GRIK2: variants seen among roughly 807,000 people sequenced by gnomAD.
GRIK2 encodes the protein glutamate receptor ionotropic, kainate 2.
GRIK2 carries 32 observed loss-of-function variants against 100.3 expected under a neutral mutation model. The ratio of observed to expected loss-of-function variants is 0.32; its 90% confidence interval spans 0.24 to 0.43. The LOEUF (loss-of-function observed/expected upper bound fraction) is 0.43, where lower values mean the gene tolerates loss of function less well. GRIK2 is among the 20% of genes least tolerant of loss of function. The probability of loss-of-function intolerance (pLI) is 1.00; values close to 1 mark genes in which losing one functional copy is unlikely to be tolerated. For synonymous variants in GRIK2, 417 were observed against 389.4 expected (o/e 1.07, Z -0.83); for missense variants, 843 against 1,114.9 (o/e 0.76, Z 3.47).
intron 14 of GRIK2, among the ~76,000 whole-genome samples, chr6:102,011,931 A>G (rs1208720381): frequency 6.6e-6 from 1 of 152,116 alleles, no homozygotes; most frequent in Non-Finnish European, 1.5e-5. Flanking sequence ...TTATATCTAA[A>G]AAGTCATCCC....
intron 2 of GRIK2, among the ~76,000 whole-genome samples, chr6:101,607,844 T>C (rs1375359183): frequency 2.6e-5 from 4 of 151,666 alleles, no homozygotes; most frequent in Non-Finnish European, 4.4e-5. Context: ...CCAAAATGAA[T>C]GATTAGTTGA....
intron 2 of GRIK2, among the ~76,000 whole-genome samples, chr6:101,512,967 ACACCCTCT>A (rs1415178647): frequency 7.0e-6 from 1 of 142,282 alleles, no homozygotes; most frequent in Non-Finnish European, 1.5e-5. Flanking sequence ...TTCTTGTCTG[ACACCCTCT>A]CACTTGTTAC....
At chr6:101,564,990 C>CA (rs953061780) in intron 2 of GRIK2, among the ~76,000 whole-genome samples, 1 of 151,806 alleles carries the variant, frequency 6.6e-6, no homozygotes, top group Admixed American at 6.6e-5. Context: ...CAAAATGTTA[C>CA]AAAAAAATAT....
chr6:101,660,234 C>G (rs1769513104), intron 4 of GRIK2, among the ~76,000 whole-genome samples: 1 of 152,040 alleles, frequency 6.6e-6, no homozygotes, highest in South Asian at 2.1e-4. Context: ...TCTTCAATCT[C>G]TGATATCATT....
chr6:102,069,206 T>C lies in GRIK2; in HGVS notation c.*695T>C, dbSNP rs1006625200. 2 of 149,236 alleles carry C rather than the reference T, an allele frequency of 1.3e-5. No individual in the cohort carries two copies. The highest frequency in any genetic ancestry group is 4.9e-5 in the African/African-American group (2 of 40,980). The allele number at this position is 149,236 out of a possible 1,614,324, so 9.2% of individuals were successfully genotyped here. ...CAATTATCAAGGAAATAATGTTTTC[T>C]TAAGTTCCCTAAGGCAGAAGATTTA... On this transcript the variant is annotated 3_prime_UTR_variant, in exon 17 of 17. Transcript: ENST00000369134.
At chr6:101,526,732 C>A (rs1775175520) in intron 2 of GRIK2, among the ~76,000 whole-genome samples, 1 of 152,168 alleles carries the variant, frequency 6.6e-6, no homozygotes, top group Non-Finnish European at 1.5e-5. Flanking sequence ...GGTTGTAGTT[C>A]TCATCTCTGT....
At chr6:102,000,029 A>T (rs577276300) in intron 14 of GRIK2, among the ~76,000 whole-genome samples, 1 of 151,998 alleles carries the variant, frequency 6.6e-6, no homozygotes, top group East Asian at 1.9e-4. Context: ...TTTTTTTTGT[A>T]TAGTGTTGAA....
intron 10 of GRIK2, among the ~76,000 whole-genome samples, chr6:101,835,029 C>A (rs958410410): frequency 6.6e-6 from 1 of 150,528 alleles, no homozygotes; most frequent in Non-Finnish European, 1.5e-5. Flanking sequence ...TACATACATA[C>A]ATAAAGTCAA....
chr6:101,523,639 T>C (rs1774997590), intron 2 of GRIK2, among the ~76,000 whole-genome samples: 1 of 151,892 alleles, frequency 6.6e-6, no homozygotes, highest in Non-Finnish European at 1.5e-5. Flanking sequence ...ATTAAGTAGG[T>C]GTAGAAACAT....
In GRIK2 at chr6:101,732,196, A is replaced by AT. The variant is rs1250147418; in HGVS notation, c.951+45845dup. Among the ~76,000 whole-genome samples, 4 of 151,968 alleles carry AT rather than the reference A, an allele frequency of 2.6e-5. No homozygotes were observed. The South Asian group carries it at 6.2e-4, about 24-fold the overall frequency. ...CTTAATATTTCACATAATCTAATCA[A>AT]TTGATCTAGTCCTTTGGGATGATGT... On this transcript the variant is annotated intron_variant, in intron 7 of 16. Coordinates refer to ENST00000369134, the MANE Select transcript of GRIK2 (RefSeq NM_021956.5).
At chr6:101,953,692 T>C (rs1315770682) in intron 14 of GRIK2, among the ~76,000 whole-genome samples, 8 of 152,174 alleles carry the variant, frequency 5.3e-5, no homozygotes, top group African/African-American at 1.9e-4. Flanking sequence ...AAAGTTATTT[T>C]TCCATTCTTG....
intron 2 of GRIK2, among the ~76,000 whole-genome samples, chr6:101,439,793 G>A (rs1769944608): frequency 6.6e-6 from 1 of 151,930 alleles, no homozygotes; most frequent in Admixed American, 6.6e-5. Context: ...TTTTTAAATG[G>A]ACTTCTGGTT....
chr6:101,676,499 T>C (rs1770851858), intron 4 of GRIK2, 124 bp from the exon 5 acceptor site: 2 of 598,770 alleles, frequency 3.3e-6, no homozygotes, highest in Admixed American at 3.6e-5. Context: ...CAAACCTATG[T>C]AACCACAAAA....
chr6:101,792,336 T>C (rs1051882055), intron 7 of GRIK2, among the ~76,000 whole-genome samples: 2 of 152,220 alleles, frequency 1.3e-5, no homozygotes, highest in Non-Finnish European at 2.9e-5. Flanking sequence ...GATTTTGCAG[T>C]GGCTGGTCCT....
At chr6:101,794,218 G>C (rs1780121316) in intron 7 of GRIK2, among the ~76,000 whole-genome samples, 2 of 152,212 alleles carry the variant, frequency 1.3e-5, no homozygotes, top group South Asian at 2.1e-4. Flanking sequence ...CTGCACTGCT[G>C]TTCTGTGCCC....
chr6:101,649,266 G>A (rs1345708972), intron 4 of GRIK2, among the ~76,000 whole-genome samples: 1 of 152,084 alleles, frequency 6.6e-6, no homozygotes, highest in African/African-American at 2.4e-5. Context: ...AACTGTGATA[G>A]CATATTTTAT....
chr6:101,753,514 C>T (rs879547253), intron 7 of GRIK2, among the ~76,000 whole-genome samples: 5 of 151,940 alleles, frequency 3.3e-5, no homozygotes, highest in Non-Finnish European at 7.4e-5. Context: ...GAACTAGATA[C>T]GTAATTATGA....
At chr6:101,454,679 C>G (rs1288204156) in intron 2 of GRIK2, among the ~76,000 whole-genome samples, 1 of 151,994 alleles carries the variant, frequency 6.6e-6, no homozygotes, top group African/African-American at 2.4e-5. Flanking sequence ...GAATTCTGCT[C>G]TATATGTTGT....
chr6:102,005,139 GTATA>G (rs1230477745), intron 14 of GRIK2, among the ~76,000 whole-genome samples: 1 of 150,850 alleles, frequency 6.6e-6, no homozygotes, highest in Non-Finnish European at 1.5e-5. Flanking sequence ...CATATGTGCA[GTATA>G]TATATTATGT....
Sources: allele counts gnomAD v4.1 joint callset (sites outside exome capture counted in the v4.1 genomes callset), GRCh38; gene constraint gnomAD v4.1.1; transcripts MANE v1.5; gene names NCBI Gene and HGNC (gene_info 2026-07-23, HGNC 2026-07-21).